The following NFYC variants were observed in gnomAD, a reference collection of about 807,000 sequenced individuals.
NFYC encodes the protein nuclear transcription factor Y subunit gamma.
A neutral mutation model predicts 53.1 loss-of-function variants in NFYC; 25 were observed. The ratio of observed to expected loss-of-function variants is 0.47; its 90% CI spans 0.34 to 0.66. The LOEUF (loss-of-function observed/expected upper bound fraction) is 0.66. Ranked by LOEUF, NFYC falls within the 30% of genes least tolerant of loss-of-function variation. NFYC has a pLI of 0.01. For synonymous variants in NFYC, 145 were observed against 152.6 expected (o/e 0.95, Z 0.37); for missense variants, 260 against 422.7 (o/e 0.62, Z 3.38).
chr1:40,708,884 A>C (rs570028283), intron 1 of NFYC, among the ~76,000 whole-genome samples: 1 of 152,212 alleles, frequency 6.6e-6, no homozygotes, highest in Non-Finnish European at 1.5e-5. Context: ...TCTCTGGTCT[A>C]TTGCCATAGG....
intron 1 of NFYC, among the ~76,000 whole-genome samples, chr1:40,694,607 G>A (rs1342851517): frequency 6.6e-6 from 1 of 151,958 alleles, no homozygotes; most frequent in Non-Finnish European, 1.5e-5. Flanking sequence ...TTCGTTTTTA[G>A]TAAGACTAGA....
At chr1:40,726,411 T>C (rs1644521941) in intron 1 of NFYC, among the ~76,000 whole-genome samples, 1 of 145,216 alleles carries the variant, frequency 6.9e-6, no homozygotes, top group African/African-American at 2.6e-5. Flanking sequence ...AGCCACCGCA[T>C]CTGGCCTGTT....
intron 7 of NFYC, among the ~76,000 whole-genome samples, chr1:40,764,092 C>T (rs1287091777): frequency 6.6e-6 from 1 of 152,182 alleles, no homozygotes; most frequent in South Asian, 2.1e-4. Context: ...TATTTGTACT[C>T]CTTTTGTAAA....
intron 1 of NFYC, among the ~76,000 whole-genome samples, chr1:40,714,522 T>C (rs189402996): frequency 6.6e-6 from 1 of 152,340 alleles, no homozygotes; most frequent in East Asian, 1.9e-4. Flanking sequence ...GTAAGTTATG[T>C]AATATTTAAG....
chr1:40,698,273 G>T (rs1020078869), intron 1 of NFYC, among the ~76,000 whole-genome samples: 26 of 151,250 alleles, frequency 1.7e-4, no homozygotes, highest in Admixed American at 3.3e-4. Flanking sequence ...TGAGGCAGGA[G>T]AATCGCTCGA....
At chr1:40,753,114 C>T (rs754678566) in intron 4 of NFYC, 37 bp from the exon 5 acceptor site, 1 of 1,510,312 alleles carries the variant, frequency 6.6e-7, no homozygotes, top group Non-Finnish European at 9.2e-7. Flanking sequence ...TAGTTTCTCC[C>T]CAGGCTAATT....
At chr1:40,763,205 T>C (rs966977051) in intron 7 of NFYC, among the ~76,000 whole-genome samples, 159 bp downstream of exon 7, 2 of 147,638 alleles carry the variant, frequency 1.4e-5, no homozygotes, top group African/African-American at 4.9e-5. Flanking sequence ...GCTATATATA[T>C]ACCTTGATAT....
intron 3 of NFYC, among the ~76,000 whole-genome samples, chr1:40,748,593 A>C (rs1033974151): frequency 2.6e-5 from 4 of 152,108 alleles, no homozygotes; most frequent in East Asian, 1.9e-4. Flanking sequence ...TTGATCTATG[A>C]GTTTCTTTTA....
chr1:40,735,973 T>C (rs1309593103), intron 1 of NFYC, among the ~76,000 whole-genome samples: 1 of 152,244 alleles, frequency 6.6e-6, no homozygotes, highest in Admixed American at 6.5e-5. Flanking sequence ...GCCATGTGTA[T>C]GTGGTGATAA....
intron 1 of NFYC, among the ~76,000 whole-genome samples, chr1:40,732,772 A>G (rs1183476371): frequency 1.3e-5 from 2 of 152,204 alleles, no homozygotes; most frequent in South Asian, 4.1e-4. Flanking sequence ...CCAGCCTTCA[A>G]GTCTGCCTTT....
At chr1:40,697,824 C>A (rs1643232113) in intron 1 of NFYC, among the ~76,000 whole-genome samples, 1 of 152,196 alleles carries the variant, frequency 6.6e-6, no homozygotes, top group African/African-American at 2.4e-5. Context: ...TTGCACCCTT[C>A]CCACACTTCT....
At chr1:40,765,106 A>G (rs768161725) in intron 7 of NFYC, among the ~76,000 whole-genome samples, 3 of 152,120 alleles carry the variant, frequency 2.0e-5, no homozygotes, top group Non-Finnish European at 4.4e-5. Flanking sequence ...AGGTTTTCCA[A>G]ACTTCTGCCC....
chr1:40,738,391 TTTTAA>T (rs1248218787), intron 1 of NFYC, among the ~76,000 whole-genome samples: 1 of 152,230 alleles, frequency 6.6e-6, no homozygotes, highest in Non-Finnish European at 1.5e-5. Context: ...CACTGGGGAC[TTTTAA>T]TATAAGAATT....
At chr1:40,700,789 G>A (rs1340435289) in intron 1 of NFYC, among the ~76,000 whole-genome samples, 1 of 152,122 alleles carries the variant, frequency 6.6e-6, no homozygotes, top group Admixed American at 6.6e-5. Context: ...TATTTGCTTT[G>A]TTGTCCAGGC....
intron 1 of NFYC, among the ~76,000 whole-genome samples, chr1:40,718,124 C>T (rs961128652): frequency 6.6e-6 from 1 of 152,192 alleles, no homozygotes; most frequent in Non-Finnish European, 1.5e-5. Context: ...CTTGGAAATT[C>T]ATTGGCCAGA....
Position 40,741,557 on chromosome 1 carries a change from G to T in NFYC, c.105+2609G>T, listed in dbSNP as rs958075360. On this transcript the variant is annotated intron_variant, in intron 2 of 9. Coordinates refer to ENST00000447388, the MANE Select transcript of NFYC (RefSeq NM_014223.5). ...TTATCTTATTTCACTTAGCATGTCTGTTGAAGCATGTGACAGGATGTCTTT... is the reference window on the plus strand; with the variant it reads ...TTATCTTATTTCACTTAGCATGTCTTTTGAAGCATGTGACAGGATGTCTTT... 4.6e-5 allele frequency among the ~76,000 whole-genome samples: 7 copies of T among 151,306 alleles called. 1 individual carries two copies. In the South Asian group the frequency reaches 8.3e-4, roughly 18 times the overall value.
At position 40,740,220 on chromosome 1, in the gene NFYC, A is replaced by G. The variant is rs1198318407; in HGVS notation, c.105+1272A>G. Among the ~76,000 whole-genome samples, 3 of 152,120 alleles carry G rather than the reference A, an allele frequency of 2.0e-5. No homozygotes were observed. The East Asian group carries it at 5.8e-4, about 29-fold the overall frequency. ...TTCCTGATGTAGAATTAATGTTGCAATTGCTTAAGGTTAGTGACCTTTAAC... is the reference window on the plus strand; with the variant it reads ...TTCCTGATGTAGAATTAATGTTGCAGTTGCTTAAGGTTAGTGACCTTTAAC... On this transcript the variant is annotated intron_variant, in intron 2 of 9. Coordinates refer to ENST00000447388, the MANE Select transcript of NFYC (RefSeq NM_014223.5).
At chr1:40,745,766 G>A (rs1052435579) in intron 2 of NFYC, among the ~76,000 whole-genome samples, 6 of 152,096 alleles carry the variant, frequency 3.9e-5, no homozygotes, top group Non-Finnish European at 5.9e-5. Context: ...TTGTGTCCCC[G>A]CAGGGGATCC....
At chr1:40,733,010 C>CA (rs998716098) in intron 1 of NFYC, among the ~76,000 whole-genome samples, 7 of 62,960 alleles carry the variant, frequency 1.1e-4, no homozygotes, top group East Asian at 1.2e-3. Context: ...CAAGATTCGC[C>CA]CCCCCCCCCT....
Sources: gnomAD v4.1 joint callset for allele counts (sites outside exome capture counted in the v4.1 genomes callset) on GRCh38, gnomAD v4.1.1 for gene constraint, MANE v1.5 for transcripts, NCBI Gene and HGNC (gene_info 2026-07-23, HGNC 2026-07-21) for gene names.